The following ANO2 variants were observed in gnomAD, a reference collection of about 807,000 sequenced individuals.
The protein encoded by ANO2 is anoctamin 2, also known as anoctamin-2.
ANO2 carries 101 observed loss-of-function variants against 124.2 expected under a neutral mutation model. That is an observed-to-expected ratio of 0.81 (90% CI 0.69 to 0.96). ANO2 has a LOEUF of 0.96. ANO2 is among the 40% of genes least tolerant of loss of function. The pLI is 0.00. For missense variants in ANO2, 1,293 were observed against 1,274.5 expected (o/e 1.01, Z -0.22); for synonymous variants, 486 against 482.5 (o/e 1.01, Z -0.09).
At chr12:5,627,777 G>C (rs1331982893) in intron 16 of ANO2, among the ~76,000 whole-genome samples, 1 of 152,086 alleles carries the variant, frequency 6.6e-6, no homozygotes, top group Non-Finnish European at 1.5e-5. Context: ...CTTAGAATTG[G>C]AGGAAAAGTT....
At chr12:5,822,324 A>G (rs7969461) in intron 7 of ANO2, among the ~76,000 whole-genome samples, 89,639 of 152,070 alleles carry the variant, frequency 0.59, 26,748 homozygotes, top group East Asian at 0.71. Context: ...AGTGGTCAAA[A>G]ACTGTGAAGA....
chr12:5,919,899 A>G (rs151273781), intron 3 of ANO2, among the ~76,000 whole-genome samples: 5,537 of 152,060 alleles, frequency 0.036, 143 homozygotes, highest in South Asian at 0.13. Flanking sequence ...GGGTTTCACC[A>G]TGTTAGCCAG....
At chr12:5,730,995 C>T (rs1950609910) in intron 14 of ANO2, among the ~76,000 whole-genome samples, 1 of 152,178 alleles carries the variant, frequency 6.6e-6, no homozygotes, top group Non-Finnish European at 1.5e-5. Flanking sequence ...ACCAATCATG[C>T]ATATATACCC....
intron 23 of ANO2, among the ~76,000 whole-genome samples, chr12:5,567,169 C>T (rs1230765170): frequency 6.6e-6 from 1 of 152,200 alleles, no homozygotes; most frequent in African/African-American, 2.4e-5. Flanking sequence ...CCGACTCCCC[C>T]TCTCCCAACA....
intron 3 of ANO2, among the ~76,000 whole-genome samples, chr12:5,884,082 C>T (rs1591739657): frequency 6.6e-6 from 1 of 152,130 alleles, no homozygotes; most frequent in East Asian, 1.9e-4. Context: ...GACAGTCTTC[C>T]TCCAGACCCT....
rs1231991437 is a variant in ANO2 at position 5,769,862 on chromosome 12, C to T, written c.1056-18892G>A. Among the ~76,000 whole-genome samples the T allele has an allele frequency of 6.6e-6, 1 of 152,146 alleles. No individual in the cohort carries two copies. Among genetic ancestry groups the T allele is most frequent in the Non-Finnish European group, 1.5e-5 (1 of 68,038 alleles). ...TCCTTTCCCTGGGTATTATACACAG[C>T]CCCACCTAAGGGCAGAAAGCGTGGA... is the stretch of plus-strand genomic sequence containing the variant. On this transcript the variant is annotated intron_variant, in intron 10 of 24. Coordinates refer to ENST00000682330, the MANE Select transcript of ANO2 (RefSeq NM_001364791.2). This position sits in a 1 kb window ranked among gnomAD's most constrained non-coding sequence, Gnocchi z 4.0.
At chr12:5,732,376 G>A (rs942065426) in intron 14 of ANO2, 144 bp downstream of exon 14, 1 of 632,416 alleles carries the variant, frequency 1.6e-6, no homozygotes, top group African/African-American at 1.8e-5. Flanking sequence ...GCAGGACAAT[G>A]CGAGATGTCA....
chr12:5,923,922 T>G lies in ANO2; in HGVS notation c.23-1118A>C, dbSNP rs969819827. Among the ~76,000 whole-genome samples, 7 of 152,338 alleles carry G rather than the reference T, an allele frequency of 4.6e-5. No homozygotes were observed. The East Asian group carries it at 1.3e-3, about 29-fold the overall frequency. On this transcript the variant is annotated intron_variant, in intron 1 of 24. Coordinates refer to ENST00000682330, the MANE Select transcript of ANO2 (RefSeq NM_001364791.2). The stretch of plus-strand genomic sequence containing the variant: ...TGCCAGCTCTAAGACCTCTTTGTGC[T>G]TGTTCTCTAGCTGTAAAATGAGAAT...
At chr12:5,839,220 G>C (rs144915459) in intron 4 of ANO2, among the ~76,000 whole-genome samples, 13 of 152,262 alleles carry the variant, frequency 8.5e-5, no homozygotes, top group Non-Finnish European at 1.5e-4. Context: ...TCTAAGTCTG[G>C]GGAGAGCAAG....
At chr12:5,664,729 C>G (rs996227667) in intron 14 of ANO2, among the ~76,000 whole-genome samples, 2 of 152,178 alleles carry the variant, frequency 1.3e-5, no homozygotes. Context: ...TCTGTTCTCC[C>G]CCATACTGAA....
chr12:5,734,585 G>A (rs562233178), intron 13 of ANO2, among the ~76,000 whole-genome samples: 86 of 152,232 alleles, frequency 5.6e-4, no homozygotes, highest in South Asian at 5.4e-3. Flanking sequence ...CCCTCTAGGT[G>A]TGGCTGTGGC....
intron 1 of ANO2, among the ~76,000 whole-genome samples, chr12:5,942,953 C>T (rs1428649237): frequency 6.6e-6 from 1 of 152,148 alleles, no homozygotes; most frequent in East Asian, 1.9e-4. Context: ...ACTAAGAAGT[C>T]AAAAATTTTA....
chr12:5,714,714 T>A (rs927922321), intron 14 of ANO2, among the ~76,000 whole-genome samples: 2 of 152,206 alleles, frequency 1.3e-5, no homozygotes, highest in Non-Finnish European at 2.9e-5. Context: ...TCTACTTATT[T>A]TAGACACGAT....
At position 5,659,933 on chromosome 12, in the gene ANO2, T is replaced by G. The variant is rs1947356027; in HGVS notation, c.1546-12132A>C. Among the ~76,000 whole-genome samples, 5 of 152,140 alleles carry G rather than the reference T, an allele frequency of 3.3e-5. No individual in the cohort carries two copies. In the South Asian group the frequency reaches 1.0e-3, roughly 32 times the overall value. On this transcript the variant is annotated intron_variant, in intron 14 of 24. Coordinates refer to ENST00000682330, the MANE Select transcript of ANO2 (RefSeq NM_001364791.2). ...CTTTTATTTTGTGATAGTGGTACAATGAGTCTTTGATGGGTTGCTCCTAAT... is the reference window on the plus strand; with the variant it reads ...CTTTTATTTTGTGATAGTGGTACAAGGAGTCTTTGATGGGTTGCTCCTAAT...
At chr12:5,709,953 G>A (rs936010327) in intron 14 of ANO2, among the ~76,000 whole-genome samples, 1 of 152,222 alleles carries the variant, frequency 6.6e-6, no homozygotes, top group South Asian at 2.1e-4. Flanking sequence ...TGGAGTGAGA[G>A]GGCAGGGCCT....
intron 16 of ANO2, among the ~76,000 whole-genome samples, chr12:5,619,597 C>G (rs1945008085): frequency 6.6e-6 from 1 of 152,162 alleles, no homozygotes; most frequent in Admixed American, 6.5e-5. Context: ...TATGCTGCTT[C>G]CAAGCCTGGG....
chr12:5,669,340 T>G, intron 14 of ANO2, among the ~76,000 whole-genome samples: 1 of 152,030 alleles, frequency 6.6e-6, no homozygotes, highest in African/African-American at 2.4e-5. Flanking sequence ...GGCTTTCTGC[T>G]TGTCTGTTGT....
At chr12:5,649,865 C>A (rs1374102434) in intron 14 of ANO2, among the ~76,000 whole-genome samples, 1 of 152,084 alleles carries the variant, frequency 6.6e-6, no homozygotes, top group African/African-American at 2.4e-5. Context: ...AGGATGGTCT[C>A]GATCTCCTGA....
rs1332140792 is a variant in ANO2, at chr12:5,563,038, G to A, written c.*261C>T. 11 of 528,530 alleles carry A rather than the reference G, an allele frequency of 2.1e-5. No homozygotes were observed. Among genetic ancestry groups the A allele is most frequent in the Non-Finnish European group, 3.0e-5 (9 of 301,388 alleles). 32.7% of individuals were successfully genotyped at this position (528,530 alleles called of 1,614,324 possible). On this transcript the variant is annotated 3_prime_UTR_variant, in exon 25 of 25. Transcript: ENST00000682330. ...TCTGGGGTGGAGAGACCCCAGTGGG[G>A]TTCCAATCCCTCAAAAGGATGCAGC...
Sources: gnomAD v4.1 joint callset for allele counts (sites outside exome capture counted in the v4.1 genomes callset) on GRCh38, gnomAD v4.1.1 for gene constraint, Gnocchi (gnomAD v3.1) non-coding constraint, MANE v1.5 for transcripts, NCBI Gene and HGNC (gene_info 2026-07-23, HGNC 2026-07-21) for gene names.